Variants in BTD observed in about 807,000 individuals in gnomAD.
BTD encodes the protein biocytinase.
In BTD, 13 loss-of-function variants were observed where a neutral mutation model predicts 17.7. That is an observed-to-expected ratio of 0.74 (90% CI 0.48 to 1.17). BTD has a LOEUF of 1.17. Ranked by LOEUF, BTD falls within the 50% of genes most tolerant of loss-of-function variation. The probability of loss-of-function intolerance (pLI) is 0.00; values close to 1 mark genes in which losing one functional copy is unlikely to be tolerated. For missense variants in BTD, 674 were observed against 650.4 expected (o/e 1.04, Z -0.39); for synonymous variants, 240 against 245.2 (o/e 0.98, Z 0.20).
downstream of BTD, chr3:15,714,531 A>AG (rs1463665534): frequency 6.8e-6 from 9 of 1,330,274 alleles, no homozygotes; most frequent in East Asian, 5.0e-5. Flanking sequence ...ACTACATTTA[A>AG]GAAAAAAAAA....
chr3:15,672,062 T>C (rs1031632979), intron 3 of BTD, among the ~76,000 whole-genome samples: 8 of 152,330 alleles, frequency 5.3e-5, no homozygotes, highest in East Asian at 1.9e-4. Context: ...GGTTTAGTTA[T>C]ACATTTCAAC....
chr3:15,709,463 G>A (rs1385796171), intron 3 of BTD, among the ~76,000 whole-genome samples: 1 of 152,144 alleles, frequency 6.6e-6, no homozygotes, highest in Non-Finnish European at 1.5e-5. Context: ...TGGTTGGTAG[G>A]CTAGGGCTGT....
Position 15,677,513 on chromosome 3 carries a change from A to T in BTD, c.400-32547A>T, listed in dbSNP as rs762717215. ...AAGCCAAATGGAGGGCAGTATTTTT[A>T]CTGTTATCTTGTAAAGTCAGTTCTG... On this transcript the variant is annotated intron_variant, in intron 3 of 3. Transcript: ENST00000672141. 9.9e-6 allele frequency: 16 copies of T among 1,612,986 alleles called. No individual in the cohort carries two copies. In the African/African-American group the frequency reaches 2.1e-4, roughly 22 times the overall value.
intron 3 of BTD, among the ~76,000 whole-genome samples, chr3:15,701,330 T>G (rs2070571032): frequency 6.6e-6 from 1 of 152,120 alleles, no homozygotes; most frequent in African/African-American, 2.4e-5. Context: ...CTAAAATTCT[T>G]TGGAGTCAAG....
intron 1 of BTD, among the ~76,000 whole-genome samples, chr3:15,617,549 C>T (rs1169924604): frequency 6.6e-6 from 1 of 152,138 alleles, no homozygotes; most frequent in Non-Finnish European, 1.5e-5. Context: ...CATCACATTG[C>T]CTTTGCTCCT....
At chr3:15,667,789 A>T (rs1372572224) in intron 3 of BTD, 1 of 152,226 alleles carries the variant, frequency 6.6e-6, no homozygotes, top group African/African-American at 2.4e-5. Flanking sequence ...GAACTACCTT[A>T]ATGTTTTTGG....
chr3:15,717,128 G>A (rs569444996), downstream of BTD, among the ~76,000 whole-genome samples: 1 of 152,258 alleles, frequency 6.6e-6, no homozygotes, highest in Non-Finnish European at 1.5e-5. Flanking sequence ...TAAGTGATGA[G>A]TCCTTTATTT....
chr3:15,699,032 G>A (rs947994233), intron 3 of BTD, among the ~76,000 whole-genome samples: 2 of 152,044 alleles, frequency 1.3e-5, no homozygotes, highest in Non-Finnish European at 2.9e-5. Context: ...GGTACTGGTA[G>A]CAAAAGAGGT....
chr3:15,671,709 G>A (rs2066380265), intron 3 of BTD, among the ~76,000 whole-genome samples: 2 of 151,078 alleles, frequency 1.3e-5, no homozygotes, highest in African/African-American at 2.4e-5. Flanking sequence ...TCAGCCTCCT[G>A]AGTAGCTGGG....
rs2065792956 is a variant in BTD, at chr3:15,651,017, C to T, written c.*5529C>T. ...TCTCCTGACCTCATGATCTGCCTGCCTCAGCCTCCCAAAGTGCTGGGATTA... is the reference window on the plus strand; with the variant it reads ...TCTCCTGACCTCATGATCTGCCTGCTTCAGCCTCCCAAAGTGCTGGGATTA... On this transcript the variant is annotated 3_prime_UTR_variant, in exon 4 of 4. Coordinates refer to ENST00000643237, the MANE Select transcript of BTD (RefSeq NM_001370658.1). Among the ~76,000 whole-genome samples, 1 of 152,216 alleles carries T rather than the reference C, an allele frequency of 6.6e-6. No individual in the cohort carries two copies. The highest frequency in any genetic ancestry group is 2.4e-5 in the African/African-American group (1 of 41,450).
At chr3:15,696,864 T>A (rs1034046287) in intron 3 of BTD, among the ~76,000 whole-genome samples, 3 of 152,192 alleles carry the variant, frequency 2.0e-5, no homozygotes, top group Non-Finnish European at 2.9e-5. Context: ...AAAACCACTA[T>A]GGAAAACTGT....
intron 3 of BTD, among the ~76,000 whole-genome samples, chr3:15,661,551 A>G (rs1214826499): frequency 6.6e-6 from 1 of 152,150 alleles, no homozygotes; most frequent in Non-Finnish European, 1.5e-5. Flanking sequence ...TTTGGATAAT[A>G]GTTCTTTATC....
intron 3 of BTD, among the ~76,000 whole-genome samples, chr3:15,697,576 C>A (rs1408978656): frequency 6.6e-6 from 1 of 152,024 alleles, no homozygotes; most frequent in Non-Finnish European, 1.5e-5. Flanking sequence ...TACGTTGAAC[C>A]AGCCTTGCAT....
rs2065202491 is a variant in BTD, at chr3:15,631,480, T to C, written c.-16-3944T>C. 3.3e-6 allele frequency: 5 copies of C among 1,534,966 alleles called. No individual in the cohort carries two copies. In the Admixed American group the frequency reaches 5.9e-5, roughly 18 times the overall value. ...AAGGAAACACAGCTAATTATTAAGA[T>C]GAATCATTTAGCAAGGTGGGGAAAA... On this transcript the variant is annotated intron_variant, in intron 1 of 3. Transcript: ENST00000643237.
Position 15,704,086 on chromosome 3 carries a change from C to G in BTD, c.400-5974C>G, listed in dbSNP as rs2071006044. ...ACCCACATGACATCCTGCTCAAAGA[C>G]AGCCCTATACGTATCTGCAACAGGC... On this transcript the variant is annotated intron_variant, in intron 3 of 3. Coordinates refer to the BTD transcript ENST00000672141. 3.3e-5 allele frequency among the ~76,000 whole-genome samples: 5 copies of G among 152,288 alleles called. No individual in the cohort carries two copies. In the South Asian group the frequency reaches 1.0e-3, roughly 32 times the overall value.
intron 3 of BTD, among the ~76,000 whole-genome samples, chr3:15,663,899 G>C (rs567506677): frequency 4.6e-5 from 7 of 152,212 alleles, no homozygotes; most frequent in Non-Finnish European, 8.8e-5. Flanking sequence ...ATACATGACT[G>C]ATTTTAGAAC....
downstream of BTD, among the ~76,000 whole-genome samples, chr3:15,654,434 T>C (rs2065850672): frequency 6.6e-6 from 1 of 152,126 alleles, no homozygotes; most frequent in Non-Finnish European, 1.5e-5. Flanking sequence ...TCACACCTCA[T>C]ATCCAAGCCA....
At chr3:15,703,278 A>C (rs2070882592) in intron 3 of BTD, among the ~76,000 whole-genome samples, 1 of 152,246 alleles carries the variant, frequency 6.6e-6, no homozygotes, top group South Asian at 2.1e-4. Flanking sequence ...AAAACAGACA[A>C]AAATAAACTG....
chr3:15,618,100 C>T (rs1264242671), intron 1 of BTD, among the ~76,000 whole-genome samples: 1 of 152,192 alleles, frequency 6.6e-6, no homozygotes. Flanking sequence ...GGACTATAGG[C>T]ACACACCGCC....
Sources: allele counts gnomAD v4.1 joint callset (sites outside exome capture counted in the v4.1 genomes callset), GRCh38; gene constraint gnomAD v4.1.1; transcripts MANE v1.5; gene names NCBI Gene and HGNC (gene_info 2026-07-23, HGNC 2026-07-21).